The following PASK variants were observed in gnomAD, a reference collection of about 807,000 sequenced individuals.
PASK encodes the protein PAS domain-containing serine/threonine-protein kinase.
PASK carries 110 observed loss-of-function variants against 121.0 expected under a neutral mutation model. That is an observed-to-expected ratio of 0.91 (90% CI 0.78 to 1.06). The LOEUF is 1.06. PASK is among the 50% of genes least tolerant of loss of function. The pLI is 0.00. For missense variants in PASK, 1,643 were observed against 1,702.3 expected (o/e 0.97, Z 0.61); for synonymous variants, 686 against 717.8 (o/e 0.96, Z 0.71).
In PASK at chr2:241,135,875, G is replaced by A. The variant is rs1039246875; in HGVS notation, c.1302C>T (p.Gly434=). The A allele has an allele frequency of 1.2e-6, 2 of 1,613,726 alleles. No homozygotes were observed. ...AGGAGGAAGAGGACGTCTTACCCTG[G>A]CCCCCCTCAGCTGGGTCCTGGCCCT... The part of the protein sequence containing the change: ...PWQGQDPAEG[G]QDPRINVVLA... Residue 434 remains glycine (G), a synonymous_variant, in exon 8 of 18, where the codon GGC becomes GGT. Transcript: ENST00000234040.
chr2:241,147,747 C>G (rs938683551), intron 1 of PASK, among the ~76,000 whole-genome samples: 4 of 138,546 alleles, frequency 2.9e-5, no homozygotes, highest in Non-Finnish European at 6.8e-5. Flanking sequence ...AGGGTAAGGG[C>G]ATGCAATTTT....
chr2:241,126,960 T>C lies in PASK; in HGVS notation c.1955A>G (p.Asn652Ser), dbSNP rs371696575. 24 of 1,614,056 alleles carry C rather than the reference T, an allele frequency of 1.5e-5. No homozygotes were observed. In the African/African-American group the frequency reaches 2.9e-4, roughly 20 times the overall value. ...GCAGGTCTGCAGCTCTTCTCGGTCG[T>C]TTTCCACTCCCAGCCACGGCTCATC... ...TLDEPWLGVE[N>S]DREELQTCLI... is the part of the protein sequence containing the mutation. Residue 652 changes from asparagine (N) to serine (S), a missense_variant, in exon 10 of 18, where the codon AAC (asparagine) becomes AGC (serine). Physicochemically the swap from Asn to Ser is conservative, Grantham distance 46. Coordinates refer to ENST00000234040, the MANE Select transcript of PASK (RefSeq NM_015148.4).
At chr2:241,119,029 C>T (rs1262857712) in intron 12 of PASK, 2 of 753,440 alleles carry the variant, frequency 2.7e-6, no homozygotes, top group South Asian at 6.1e-5. Flanking sequence ...CCGTTCCCAG[C>T]CCTGAGGCCC....
At chr2:241,127,578 A>G in intron 9 of PASK, 127 bp from the exon 10 acceptor site, 1 of 804,894 alleles carries the variant, frequency 1.2e-6, no homozygotes, top group Non-Finnish European at 2.1e-6. Flanking sequence ...CAAGAAAAAG[A>G]CCAAATTTTG....
intron 10 of PASK, among the ~76,000 whole-genome samples, chr2:241,124,992 C>T (rs1180849708): frequency 6.6e-6 from 1 of 151,494 alleles, no homozygotes; most frequent in Non-Finnish European, 1.5e-5. Context: ...CGGTGAAACC[C>T]CATCTCTACT....
chr2:241,145,301 AGATCT>A (rs896356271), intron 1 of PASK, among the ~76,000 whole-genome samples: 1 of 152,076 alleles, frequency 6.6e-6, no homozygotes, highest in African/African-American at 2.4e-5. Context: ...AGGGCATAAA[AGATCT>A]GATCTGTGGA....
At chr2:241,115,764 T>C (rs112863587) in intron 12 of PASK, among the ~76,000 whole-genome samples, 96 of 92,826 alleles carry the variant, frequency 1.0e-3, no homozygotes, top group East Asian at 2.5e-3. Flanking sequence ...CCACCGGTCC[T>C]CAAGCATCCC....
At position 241,126,729 on chromosome 2, in the gene PASK, A is replaced by G. The variant is rs1246010107; in HGVS notation, c.2186T>C (p.Val729Ala). ...ATDLPGGLEA[V>A]EAQEVDVNSF... is the part of the protein sequence containing the mutation. ...ATTCACATCAACCTCCTGGGCCTCC[A>G]CTGCTTCCAGGCCCCCAGGGAGGTC... is the stretch of plus-strand genomic sequence containing the variant. The change falls in exon 10 of 18, where the codon GTG becomes GCG. Residue 729 changes from valine to alanine, a missense_variant. By Grantham distance (64) the Val-to-Ala change is moderately conservative. Around this residue, in one of 3 missense-constraint regions of PASK, gnomAD observed 1,176 missense variants for 1,162.2 expected, o/e 1.01. Transcript: ENST00000234040. 1 of 1,614,160 alleles carries G rather than the reference A, an allele frequency of 6.2e-7. No individual in the cohort carries two copies. Among genetic ancestry groups the G allele is most frequent in the Non-Finnish European group, 8.5e-7 (1 of 1,180,038 alleles).
Position 241,108,634 on chromosome 2 carries a change from C to T in PASK, c.3534-334G>A, listed in dbSNP as rs1227632170. ...AGGAAGCAGAGTACACGTCCATTGG[C>T]TTTGCTGAGGGCCACGGGAGCTGCA... is the stretch of plus-strand genomic sequence containing the variant. On this transcript the variant is annotated intron_variant, in intron 15 of 17. Coordinates refer to ENST00000234040, the MANE Select transcript of PASK (RefSeq NM_015148.4). This position sits in a 1 kb window ranked among gnomAD's most constrained non-coding sequence, Gnocchi z 5.2. The T allele has an allele frequency of 1.5e-5, 6 of 407,476 alleles. No homozygotes were observed. The highest frequency in any genetic ancestry group is 3.6e-5 in the Admixed American group (1 of 27,896). The allele number at this position is 407,476 out of a possible 1,614,324, so 25.2% of individuals were successfully genotyped here.
rs1331551344 is a variant in PASK at position 241,115,556 on chromosome 2, G to A, written c.3073-143C>T. Reference sequence around the variant, plus strand: ...CATCCCATTACACCAGGGCCACCTGGTCCCCAAGCATCCCATTACACCAGG... The same window carrying A: ...CATCCCATTACACCAGGGCCACCTGATCCCCAAGCATCCCATTACACCAGG... On this transcript the variant is annotated intron_variant, in intron 12 of 17. Coordinates refer to ENST00000234040, the MANE Select transcript of PASK (RefSeq NM_015148.4). 1.7e-5 allele frequency: 16 copies of A among 930,980 alleles called. No homozygotes were observed. The East Asian group carries it at 3.8e-4, about 22-fold the overall frequency. The allele number at this position is 930,980 out of a possible 1,614,324, so 57.7% of individuals were successfully genotyped here. A position where few individuals can be genotyped will look rare whatever the true frequency, so the allele number is the denominator to read the frequency against.
chr2:241,120,178 G>C (rs1338784730), intron 12 of PASK, among the ~76,000 whole-genome samples: 1 of 151,952 alleles, frequency 6.6e-6, no homozygotes, highest in Non-Finnish European at 1.5e-5. Context: ...ATAATAAAAA[G>C]ACAACCCAAT....
chr2:241,139,660 G>T, intron 4 of PASK: 1 of 702,786 alleles, frequency 1.4e-6, no homozygotes, highest in Non-Finnish European at 2.7e-6. Context: ...TCCAGCCACA[G>T]CCACAGTGTC....
chr2:241,108,359 G>A lies in PASK; in HGVS notation c.3534-59C>T, dbSNP rs1042379215. 1.9e-5 allele frequency: 30 copies of A among 1,586,328 alleles called. No individual in the cohort carries two copies. Among genetic ancestry groups the A allele is most frequent in the South Asian group, 2.2e-5 (2 of 90,542 alleles). On this transcript the variant is annotated intron_variant, in intron 15 of 17. Transcript: ENST00000234040. The surrounding 1 kb of genome is among the most constrained non-coding windows in gnomAD (Gnocchi z 5.2). ...CACTCAGCGCAGGCTTGCCAAGCCC[G>A]CCCATGGGAAGCACCATGGCCCTTC...
chr2:241,149,946 C>T, upstream of PASK: 3 of 1,426,280 alleles, frequency 2.1e-6, no homozygotes, highest in South Asian at 1.5e-5. Flanking sequence ...CAAGAGAAGG[C>T]GGCATTTCGC....
intron 12 of PASK, among the ~76,000 whole-genome samples, chr2:241,116,782 C>T (rs149540783): frequency 2.0e-4 from 30 of 152,292 alleles, no homozygotes; most frequent in African/African-American, 6.5e-4. Context: ...GGTGTCGGCA[C>T]GCAGCTGAAG....
chr2:241,147,527 G>A (rs2067009235), intron 1 of PASK, among the ~76,000 whole-genome samples: 1 of 152,104 alleles, frequency 6.6e-6, no homozygotes, highest in Non-Finnish European at 1.5e-5. Flanking sequence ...AGGTTGAGGT[G>A]GGAGAATCGC....
upstream of PASK, chr2:241,149,829 C>A: frequency 6.6e-7 from 1 of 1,508,214 alleles, no homozygotes; most frequent in Non-Finnish European, 8.8e-7. Context: ...CCGCACTGGG[C>A]TGGGAACGAC....
intron 9 of PASK, among the ~76,000 whole-genome samples, chr2:241,132,527 T>TAAAAAAAAAAAAAA (rs71049553): frequency 4.6e-4 from 18 of 39,532 alleles, no homozygotes; most frequent in East Asian, 1.2e-3. Context: ...AGACTCTGTC[T>TAAAAAAAAAAAAAA]AAAAAAAAAA....
chr2:241,117,838 T>G (rs965027324), intron 12 of PASK, among the ~76,000 whole-genome samples: 2 of 152,164 alleles, frequency 1.3e-5, no homozygotes, highest in African/African-American at 4.8e-5. Context: ...AAGGACTGAA[T>G]GTATAGTACC....
Sources: allele counts gnomAD v4.1 joint callset (sites outside exome capture counted in the v4.1 genomes callset), GRCh38; gene constraint gnomAD v4.1.1; regional missense constraint gnomAD v4.1.1; non-coding constraint Gnocchi (gnomAD v3.1); transcripts MANE v1.5; gene names NCBI Gene and HGNC (gene_info 2026-07-23, HGNC 2026-07-21).